Variants in ENOX1 observed in about 807,000 individuals in gnomAD.
ENOX1 encodes the protein candidate growth-related and time keeping constitutive hydroquinone (NADH) oxidase.
A neutral mutation model predicts 82.5 loss-of-function variants in ENOX1; 42 were observed. That is an observed-to-expected ratio of 0.51 (90% CI 0.40 to 0.66). ENOX1 has a LOEUF of 0.66. Ranked by LOEUF, ENOX1 falls within the 30% of genes least tolerant of loss-of-function variation. The probability of loss-of-function intolerance (pLI) is 0.00; values close to 1 mark genes in which losing one functional copy is unlikely to be tolerated. For synonymous variants in ENOX1, 271 were observed against 282.2 expected (o/e 0.96, Z 0.40); for missense variants, 608 against 811.6 (o/e 0.75, Z 3.05).
intron 2 of ENOX1, among the ~76,000 whole-genome samples, chr13:43,488,002 C>T (rs555542315): frequency 6.6e-6 from 1 of 152,256 alleles, no homozygotes; most frequent in Admixed American, 6.5e-5. Flanking sequence ...CCTCTGGATA[C>T]ATTCATTTTG....
Position 43,245,863 on chromosome 13 carries a change from C to T in ENOX1, c.1612-9125G>A, listed in dbSNP as rs183691159. Among the ~76,000 whole-genome samples the T allele has an allele frequency of 1.2e-3, 182 of 152,256 alleles. 1 individual carries two copies. Among genetic ancestry groups the T allele is most frequent in the African/African-American group, 4.2e-3 (173 of 41,548 alleles). ...TTCCACCTTATTGGGGTTCAATTGC[C>T]GGATCGGAAGCACATACATTATGTC... On this transcript the variant is annotated intron_variant, in intron 14 of 16. Coordinates refer to ENST00000690772, the MANE Select transcript of ENOX1 (RefSeq NM_001347969.2).
chr13:43,290,368 C>CATAT lies in ENOX1; in HGVS notation c.1446+7974_1446+7977dup, dbSNP rs141606203. 5.1e-3 allele frequency among the ~76,000 whole-genome samples: 772 copies of CATAT among 150,394 alleles called. 4 individuals are homozygous for CATAT. Among genetic ancestry groups the CATAT allele is most frequent in the African/African-American group, 0.018 (746 of 41,010 alleles). The stretch of plus-strand genomic sequence containing the variant: ...AATTTGATAAGGAAGATGGGATATA[C>CATAT]ATATATATATATATATACACACACA... On this transcript the variant is annotated intron_variant, in intron 12 of 16. Transcript: ENST00000690772.
chr13:43,215,993 G>A (rs192947642), intron 16 of ENOX1, among the ~76,000 whole-genome samples: 23 of 152,244 alleles, frequency 1.5e-4, no homozygotes, highest in Non-Finnish European at 2.4e-4. Context: ...TCAGGAGATC[G>A]AGGCCATCTT....
intron 11 of ENOX1, among the ~76,000 whole-genome samples, chr13:43,321,285 C>T (rs1372124036): frequency 6.6e-6 from 1 of 152,206 alleles, no homozygotes; most frequent in Non-Finnish European, 1.5e-5. Context: ...GGCCTGCTAA[C>T]TTACATTTCT....
intron 2 of ENOX1, among the ~76,000 whole-genome samples, chr13:43,581,897 A>G (rs2080760313): frequency 6.6e-6 from 1 of 152,216 alleles, no homozygotes; most frequent in Admixed American, 6.5e-5. Flanking sequence ...AAAAAAAGGA[A>G]CTATACAGAG....
At chr13:43,323,622 T>C (rs191565039) in intron 10 of ENOX1, among the ~76,000 whole-genome samples, 120 of 152,368 alleles carry the variant, frequency 7.9e-4, no homozygotes, top group African/African-American at 2.1e-3. Context: ...ACATGTACTA[T>C]CTTCAGAAAT....
chr13:43,291,035 AAAAAT>A (rs1267181978), intron 12 of ENOX1, among the ~76,000 whole-genome samples: 1 of 152,194 alleles, frequency 6.6e-6, no homozygotes, highest in Non-Finnish European at 1.5e-5. Context: ...TCAAAAAAAT[AAAAAT>A]AAAAGTTGAA....
chr13:43,328,576 G>GT (rs1320437359), intron 9 of ENOX1, among the ~76,000 whole-genome samples: 2 of 152,244 alleles, frequency 1.3e-5, no homozygotes, highest in Non-Finnish European at 2.9e-5. Context: ...AAGTATATCT[G>GT]TTCATAAAAA....
At chr13:43,711,461 G>A (rs1209763268) in intron 1 of ENOX1, among the ~76,000 whole-genome samples, 13 of 152,106 alleles carry the variant, frequency 8.5e-5, no homozygotes, top group Non-Finnish European at 1.6e-4. Flanking sequence ...GGGTCAAATG[G>A]TATTTCTAGT....
intron 1 of ENOX1, among the ~76,000 whole-genome samples, chr13:43,748,533 C>T (rs544360840): frequency 6.6e-6 from 1 of 152,244 alleles, no homozygotes; most frequent in Admixed American, 6.5e-5. Context: ...GAGTTAAAAA[C>T]ATAAGTATTT....
chr13:43,641,530 T>G (rs1215816637), intron 2 of ENOX1, among the ~76,000 whole-genome samples: 2 of 2,604 alleles, frequency 7.7e-4, no homozygotes, highest in African/African-American at 1.1e-3. Flanking sequence ...TAATTTTTAA[T>G]TTTTTTTTTT....
At chr13:43,527,254 AAATT>A (rs1396691161) in intron 2 of ENOX1, among the ~76,000 whole-genome samples, 1 of 152,092 alleles carries the variant, frequency 6.6e-6, no homozygotes, top group Admixed American at 6.6e-5. Flanking sequence ...ACTTAATAAT[AAATT>A]AATAATTTAA....
intron 2 of ENOX1, among the ~76,000 whole-genome samples, chr13:43,651,970 C>CAAAA (rs35793831): frequency 2.4e-5 from 2 of 84,096 alleles, no homozygotes; most frequent in African/African-American, 5.0e-5. Flanking sequence ...AACTTCGTCT[C>CAAAA]AAAAAAAAAA....
At chr13:43,321,331 G>C (rs1175063666) in intron 11 of ENOX1, among the ~76,000 whole-genome samples, 1 of 152,186 alleles carries the variant, frequency 6.6e-6, no homozygotes, top group African/African-American at 2.4e-5. Flanking sequence ...CTACTGGACT[G>C]AGAACCACAC....
Position 43,470,319 on chromosome 13 carries a change from C to CATGT in ENOX1, c.-75+13689_-75+13690insACAT, listed in dbSNP as rs1555289904. Among the ~76,000 whole-genome samples, 248 of 37,522 alleles carry CATGT rather than the reference C, an allele frequency of 6.6e-3. 26 individuals carry two copies. Among genetic ancestry groups the CATGT allele is most frequent in the African/African-American group, 0.019 (232 of 12,416 alleles). The allele number at this position is 37,522 out of a possible 152,430, so 24.6% of individuals were successfully genotyped here. On this transcript the variant is annotated intron_variant, in intron 3 of 16. Coordinates refer to ENST00000690772, the MANE Select transcript of ENOX1 (RefSeq NM_001347969.2). The stretch of plus-strand genomic sequence containing the variant: ...ACACATATATATACATATATATACA[C>CATGT]ATATATATATGTATATATATACGTA...
chr13:43,650,904 T>C (rs1184731970), intron 2 of ENOX1, among the ~76,000 whole-genome samples: 2 of 152,204 alleles, frequency 1.3e-5, no homozygotes, highest in African/African-American at 2.4e-5. Context: ...TCTTCACTCA[T>C]GGCTTTTGTT....
intron 14 of ENOX1, among the ~76,000 whole-genome samples, chr13:43,237,106 A>G (rs2042585930): frequency 6.6e-6 from 1 of 152,220 alleles, no homozygotes; most frequent in African/African-American, 2.4e-5. Context: ...CATACAGGAA[A>G]CTGATTTATA....
intron 1 of ENOX1, among the ~76,000 whole-genome samples, chr13:43,708,057 T>C (rs1242091636): frequency 2.6e-5 from 4 of 152,126 alleles, no homozygotes; most frequent in African/African-American, 9.7e-5. Context: ...AGTTTCCCAG[T>C]AGATAGAGAA....
intron 2 of ENOX1, among the ~76,000 whole-genome samples, chr13:43,560,240 C>T (rs370318615): frequency 6.6e-6 from 1 of 152,030 alleles, no homozygotes; most frequent in Non-Finnish European, 1.5e-5. Context: ...TGCTATAATA[C>T]CTATATTCCT....
Sources: allele counts gnomAD v4.1 joint callset (sites outside exome capture counted in the v4.1 genomes callset), GRCh38; gene constraint gnomAD v4.1.1; transcripts MANE v1.5; gene names NCBI Gene and HGNC (gene_info 2026-07-23, HGNC 2026-07-21).